The following CCNY variants were observed in gnomAD, a reference collection of about 807,000 sequenced individuals.
The protein encoded by CCNY is cyclin-Y.
Under a neutral mutation model 42.8 loss-of-function variants are expected in CCNY, and 19 were observed. The observed-to-expected ratio is 0.44, with a 90% CI of 0.31 to 0.65. The LOEUF (loss-of-function observed/expected upper bound fraction) is 0.65. Ranked by LOEUF, CCNY falls within the 30% of genes least tolerant of loss-of-function variation. CCNY has a pLI of 0.07. For missense variants in CCNY, 370 were observed against 437.3 expected (o/e 0.85, Z 1.37); for synonymous variants, 165 against 162.7 (o/e 1.01, Z -0.11).
chr10:35,486,682 A>G (rs1244223715), intron 2 of CCNY, among the ~76,000 whole-genome samples: 2 of 152,212 alleles, frequency 1.3e-5, no homozygotes, highest in Non-Finnish European at 2.9e-5. Flanking sequence ...ATGGAATATG[A>G]GGCCCATCGT....
At chr10:35,447,567 C>A (rs1489211611) in intron 1 of CCNY, among the ~76,000 whole-genome samples, 1 of 152,120 alleles carries the variant, frequency 6.6e-6, no homozygotes, top group Admixed American at 6.5e-5. Context: ...CTTGCTAAAC[C>A]CTAAAATAAT....
rs77663754 is a variant in CCNY, at chr10:35,530,380, G to A, written c.579+137G>A. On this transcript the variant is annotated intron_variant, in intron 7 of 9. Coordinates refer to ENST00000374704, the MANE Select transcript of CCNY (RefSeq NM_145012.6). This position sits in a 1 kb window ranked among gnomAD's most constrained non-coding sequence, Gnocchi z 4.3. ...TGGACACCGTGGCATAAGCTTCAGT[G>A]TTGTCGTTCTCCTGGGAGAATAGAG... is the stretch of plus-strand genomic sequence containing the variant. The A allele has an allele frequency of 3.9e-6, 4 of 1,025,360 alleles. No homozygotes were observed. The East Asian group carries it at 7.8e-5, about 20-fold the overall frequency. The allele number at this position is 1,025,360 out of a possible 1,614,324, so 63.5% of individuals were successfully genotyped here.
intron 3 of CCNY, among the ~76,000 whole-genome samples, chr10:35,278,316 C>A (rs190370250): frequency 6.6e-5 from 10 of 152,158 alleles, no homozygotes; most frequent in Admixed American, 2.6e-4. Flanking sequence ...AGAGAGCACA[C>A]GCCGAAGGAG....
rs1840737994 is a variant in CCNY at position 35,530,250 on chromosome 10, G to A, written c.579+7G>A. 6.2e-7 allele frequency: 1 copy of A among 1,614,080 alleles called. No homozygotes were observed. On this transcript the variant is annotated splice_region_variant and intron_variant, in intron 7 of 9. Coordinates refer to ENST00000374704, the MANE Select transcript of CCNY (RefSeq NM_145012.6). The surrounding 1 kb of genome is among the most constrained non-coding windows in gnomAD (Gnocchi z 4.3). Reference sequence around the variant, plus strand: ...ATGTGCCATCGTCACCCTGGTGAGTGCCCTCAGGATGGCCACACCCATCCC... The same window carrying A: ...ATGTGCCATCGTCACCCTGGTGAGTACCCTCAGGATGGCCACACCCATCCC...
At chr10:35,275,248 T>C (rs2135047551) in intron 3 of CCNY, among the ~76,000 whole-genome samples, 1 of 151,540 alleles carries the variant, frequency 6.6e-6, no homozygotes, top group East Asian at 2.0e-4. Flanking sequence ...GTGTTTTTAG[T>C]AGAGATGGGG....
At chr10:35,334,234 T>G (rs1835980226), upstream of CCNY, among the ~76,000 whole-genome samples, 1 of 152,214 alleles carries the variant, frequency 6.6e-6, no homozygotes, top group African/African-American at 2.4e-5. Flanking sequence ...CTTTCTCCTC[T>G]TAAGCCCTTC....
chr10:35,446,832 C>G (rs911839019), intron 1 of CCNY, among the ~76,000 whole-genome samples: 15 of 152,206 alleles, frequency 9.9e-5, no homozygotes, highest in Non-Finnish European at 2.2e-4. Flanking sequence ...GTGTAATAAG[C>G]AATTTGTCTC....
intron 3 of CCNY, among the ~76,000 whole-genome samples, chr10:35,513,223 G>A (rs765141222): frequency 6.6e-6 from 1 of 151,964 alleles, no homozygotes; most frequent in African/African-American, 2.4e-5. Flanking sequence ...AATCTGTAAG[G>A]TTCACATTAT....
intron 3 of CCNY, among the ~76,000 whole-genome samples, chr10:35,278,574 T>C (rs1488093588): frequency 1.3e-5 from 2 of 152,078 alleles, no homozygotes; most frequent in African/African-American, 4.8e-5. Flanking sequence ...TCGAGAGGCA[T>C]GTGTAGGCAG....
intron 3 of CCNY, among the ~76,000 whole-genome samples, chr10:35,294,853 A>G (rs904384327): frequency 4.6e-5 from 7 of 152,230 alleles, no homozygotes; most frequent in Non-Finnish European, 1.0e-4. Context: ...AGAATTCACA[A>G]GTGAAGTTAC....
At chr10:35,386,802 C>A (rs1423707446) in intron 1 of CCNY, among the ~76,000 whole-genome samples, 1 of 150,360 alleles carries the variant, frequency 6.7e-6, no homozygotes, top group Non-Finnish European at 1.5e-5. Flanking sequence ...AAGATTCCTT[C>A]ATTGATTTTT....
At chr10:35,426,146 C>G (rs1411301621) in intron 1 of CCNY, among the ~76,000 whole-genome samples, 2 of 150,424 alleles carry the variant, frequency 1.3e-5, no homozygotes, top group African/African-American at 2.5e-5. Flanking sequence ...CACACACACA[C>G]ACACACACAC....
rs183096462 is a variant in CCNY, at chr10:35,273,413, C to T, written c.-9+22787C>T. Among the ~76,000 whole-genome samples the T allele has an allele frequency of 3.9e-3, 590 of 152,134 alleles. 2 individuals carry two copies. Among genetic ancestry groups the T allele is most frequent in the Non-Finnish European group, 6.9e-3 (468 of 68,010 alleles). On this transcript the variant is annotated intron_variant, in intron 3 of 11. Coordinates refer to the CCNY transcript ENST00000374706. ...AGAGATGGGGTTTCATCATGCTGGC[C>T]AGGCTGGTCTTGAACTCCTGACCTC... is the stretch of plus-strand genomic sequence containing the variant.
chr10:35,562,878 TA>T (rs11342093), intron 8 of CCNY, among the ~76,000 whole-genome samples: 60,535 of 151,180 alleles, frequency 0.4, 13,198 homozygotes, highest in African/African-American at 0.58. Context: ...CAGCTCTTTT[TA>T]ACATCATTTT....
chr10:35,397,941 C>G lies in CCNY; in HGVS notation c.154+60734C>G, dbSNP rs909066360. On this transcript the variant is annotated intron_variant, in intron 1 of 9. Transcript: ENST00000374704. Reference sequence around the variant, plus strand: ...CTGGTGCAATATAGGCAGGACTTCCCCCTCTGGTGATGTGCTTGCTTCCAG... The same window carrying G: ...CTGGTGCAATATAGGCAGGACTTCCGCCTCTGGTGATGTGCTTGCTTCCAG... Among the ~76,000 whole-genome samples the G allele has an allele frequency of 5.3e-5, 8 of 152,110 alleles. 1 individual carries two copies. The South Asian group carries it at 1.0e-3, about 20-fold the overall frequency.
intron 1 of CCNY, among the ~76,000 whole-genome samples, chr10:35,430,336 C>CAAAA (rs397954370): frequency 0.018 from 993 of 55,480 alleles, 93 homozygotes; most frequent in East Asian, 0.038. Context: ...GACTCCGTCT[C>CAAAA]AAAAAAAAAA....
chr10:35,524,163 C>T (rs1304412510), intron 4 of CCNY, among the ~76,000 whole-genome samples: 2 of 152,176 alleles, frequency 1.3e-5, no homozygotes, highest in East Asian at 3.8e-4. Context: ...CTGAGTTTTT[C>T]CCATTTATAA....
chr10:35,332,713 T>C (rs1039638054), upstream of CCNY, among the ~76,000 whole-genome samples: 4 of 152,114 alleles, frequency 2.6e-5, no homozygotes, highest in Non-Finnish European at 4.4e-5. Flanking sequence ...CACACCATTC[T>C]CCTGCCTCAG....
chr10:35,260,332 T>C (rs1477275645), intron 3 of CCNY, among the ~76,000 whole-genome samples: 1 of 152,186 alleles, frequency 6.6e-6, no homozygotes, highest in Non-Finnish European at 1.5e-5. Flanking sequence ...TGTAAGAGCC[T>C]ACCTCTGCAA....
Sources: gnomAD v4.1 joint callset for allele counts (sites outside exome capture counted in the v4.1 genomes callset) on GRCh38, gnomAD v4.1.1 for gene constraint, Gnocchi (gnomAD v3.1) non-coding constraint, MANE v1.5 for transcripts, NCBI Gene and HGNC (gene_info 2026-07-23, HGNC 2026-07-21) for gene names.